DLGAP2: variants seen among roughly 807,000 people sequenced by gnomAD.
DLGAP2 encodes disks large-associated protein 2.
In DLGAP2, 26 loss-of-function variants were observed where a neutral mutation model predicts 100.3. The ratio of observed to expected loss-of-function variants is 0.26; its 90% CI spans 0.19 to 0.36. The LOEUF (loss-of-function observed/expected upper bound fraction) is 0.36. DLGAP2 is among the 10% of genes least tolerant of loss of function. DLGAP2 has a pLI of 1.00. For synonymous variants in DLGAP2, 886 were observed against 630.1 expected (o/e 1.41, Z -6.08); for missense variants, 1,858 against 1,453.2 (o/e 1.28, Z -4.53).
At position 758,526 on chromosome 8, in the gene DLGAP2, C is replaced by T. The variant is rs570675897; in HGVS notation, c.18+20701C>T. 1.4e-3 allele frequency among the ~76,000 whole-genome samples: 213 copies of T among 152,236 alleles called. 1 individual carries two copies. Among genetic ancestry groups the T allele is most frequent in the African/African-American group, 4.7e-3 (197 of 41,538 alleles). On this transcript the variant is annotated intron_variant, in intron 1 of 14. Coordinates refer to ENST00000637795, the MANE Select transcript of DLGAP2 (RefSeq NM_001346810.2). The stretch of plus-strand genomic sequence containing the variant: ...CCACCTCTGCCCATCCCAAGGTGCC[C>T]GGGAGAATCACCGTTAGTCACTGTT...
chr8:1,683,856 A>ATATATATATATATATATATGTGTG (rs1467438870), intron 12 of DLGAP2, among the ~76,000 whole-genome samples: 2 of 62,228 alleles, frequency 3.2e-5, no homozygotes, highest in African/African-American at 1.7e-4. Context: ...ATATATATAT[A>ATATATATATATATATATATGTGTG]TGTGTGTGTG....
chr8:798,487 C>T (rs28432092), intron 1 of DLGAP2, among the ~76,000 whole-genome samples: 175 of 84,784 alleles, frequency 2.1e-3, no homozygotes, highest in South Asian at 4.7e-3. Flanking sequence ...TGCCTGCTTC[C>T]GTTGGCACTG....
chr8:1,678,144 C>T, intron 11 of DLGAP2, 70 bp from the exon 12 acceptor site: 2 of 1,528,720 alleles, frequency 1.3e-6, no homozygotes, highest in Non-Finnish European at 1.8e-6. Context: ...TGACAGGCGA[C>T]ATGTAGGACT....
At chr8:1,160,183 G>C (rs1318276205) in intron 2 of DLGAP2, among the ~76,000 whole-genome samples, 1 of 152,296 alleles carries the variant, frequency 6.6e-6, no homozygotes. Context: ...CTGCTACTTA[G>C]AAGTAGTCAG....
chr8:1,305,021 G>C (rs1479739131), intron 3 of DLGAP2, among the ~76,000 whole-genome samples: 1 of 152,172 alleles, frequency 6.6e-6, no homozygotes, highest in East Asian at 1.9e-4. Flanking sequence ...ATCATACATG[G>C]TTTCCACCAT....
At chr8:1,284,999 T>G (rs1248010773) in intron 3 of DLGAP2, among the ~76,000 whole-genome samples, 2 of 152,256 alleles carry the variant, frequency 1.3e-5, no homozygotes, top group African/African-American at 4.8e-5. Context: ...TGGCTCCACC[T>G]GCATCCCGAT....
chr8:864,112 G>A (rs1370520809), intron 1 of DLGAP2, among the ~76,000 whole-genome samples: 3 of 152,162 alleles, frequency 2.0e-5, no homozygotes, highest in African/African-American at 4.8e-5. Context: ...GGCAAACACC[G>A]CATAATCCCA....
chr8:1,517,911 C>T (rs1485093995), intron 4 of DLGAP2, among the ~76,000 whole-genome samples: 4 of 152,232 alleles, frequency 2.6e-5, no homozygotes, highest in Non-Finnish European at 5.9e-5. Context: ...TAACCATCCC[C>T]CACGGTATGT....
chr8:1,534,151 AAGAT>A (rs1382589951), intron 4 of DLGAP2, among the ~76,000 whole-genome samples: 1 of 152,220 alleles, frequency 6.6e-6, no homozygotes, highest in Non-Finnish European at 1.5e-5. Context: ...GTAAAAGAGA[AAGAT>A]TGATTGGTTG....
chr8:897,275 T>C (rs1255897639), intron 1 of DLGAP2, among the ~76,000 whole-genome samples: 2 of 152,204 alleles, frequency 1.3e-5, no homozygotes, highest in African/African-American at 4.8e-5. Context: ...GCTCCCTTCT[T>C]TCTCCAAACC....
chr8:1,142,587 A>C (rs1340077210), intron 2 of DLGAP2, among the ~76,000 whole-genome samples: 3 of 152,202 alleles, frequency 2.0e-5, no homozygotes, highest in Non-Finnish European at 2.9e-5. Context: ...GGCAGGTCTC[A>C]ATTCATGCTT....
chr8:1,267,563 T>TC (rs1799482561), intron 3 of DLGAP2, among the ~76,000 whole-genome samples: 1 of 52,474 alleles, frequency 1.9e-5, no homozygotes, highest in Non-Finnish European at 3.6e-5. Flanking sequence ...CCGCTCAAAA[T>TC]AAAATAAAAT....
intron 2 of DLGAP2, among the ~76,000 whole-genome samples, chr8:987,822 T>G (rs1218068863): frequency 6.6e-6 from 1 of 152,106 alleles, no homozygotes; most frequent in Non-Finnish European, 1.5e-5. Context: ...TTCCCCAGTT[T>G]CCCCCAACAT....
At chr8:837,126 C>A (rs1796893802) in intron 1 of DLGAP2, among the ~76,000 whole-genome samples, 1 of 152,258 alleles carries the variant, frequency 6.6e-6, no homozygotes, top group Non-Finnish European at 1.5e-5. Flanking sequence ...ATGTTCCCAT[C>A]TGTGACACGT....
chr8:923,494 C>T (rs1798755591), intron 2 of DLGAP2, among the ~76,000 whole-genome samples: 1 of 152,212 alleles, frequency 6.6e-6, no homozygotes, highest in Non-Finnish European at 1.5e-5. Flanking sequence ...ATGCTTAACC[C>T]TGCATTCAGA....
In DLGAP2 at chr8:1,501,393, C is replaced by G. The variant is rs1309261843; in HGVS notation, c.134C>G (p.Pro45Arg). 1.3e-6 allele frequency: 2 copies of G among 1,535,706 alleles called. No individual in the cohort carries two copies. The highest frequency in any genetic ancestry group is 2.7e-5 in the African/African-American group (2 of 73,090). ...EEEEAGDLVQ[P>R]GISFPGPAEE... ...GAAGAAGCTGGAGACTTGGTCCAGCCGGGCATCAGCTTTCCGGGGCCGGCA... is the reference window on the plus strand; with the variant it reads ...GAAGAAGCTGGAGACTTGGTCCAGCGGGGCATCAGCTTTCCGGGGCCGGCA... Residue 45 changes from proline to arginine, a missense_variant, in exon 4 of 15, where the codon CCG becomes CGG. By Grantham distance (103) the Pro-to-Arg change is moderately radical. Coordinates refer to ENST00000637795, the MANE Select transcript of DLGAP2 (RefSeq NM_001346810.2).
intron 12 of DLGAP2, among the ~76,000 whole-genome samples, chr8:1,684,308 A>G (rs1304280258): frequency 6.6e-6 from 1 of 151,970 alleles, no homozygotes; most frequent in Admixed American, 6.6e-5. Context: ...TATGCCCCTC[A>G]TCTGTGTGTT....
At chr8:1,151,830 T>C (rs1439933615) in intron 2 of DLGAP2, among the ~76,000 whole-genome samples, 1 of 152,210 alleles carries the variant, frequency 6.6e-6, no homozygotes, top group Admixed American at 6.5e-5. Flanking sequence ...TACACAAATC[T>C]TTGGCTTTCT....
chr8:1,338,474 C>T (rs1287070438), intron 3 of DLGAP2, among the ~76,000 whole-genome samples: 1 of 152,136 alleles, frequency 6.6e-6, no homozygotes, highest in South Asian at 2.1e-4. Context: ...TTGCCTGGGT[C>T]TGGGGGCAGG....
Sources: gnomAD v4.1 joint callset for allele counts (sites outside exome capture counted in the v4.1 genomes callset) on GRCh38, gnomAD v4.1.1 for gene constraint, MANE v1.5 for transcripts, NCBI Gene and HGNC (gene_info 2026-07-23, HGNC 2026-07-21) for gene names.